DNAAF9: variants seen among roughly 807,000 people sequenced by gnomAD.
DNAAF9 encodes the protein dynein axonemal assembly factor 9.
In DNAAF9, 90 loss-of-function variants were observed where a neutral mutation model predicts 167.0. The ratio of observed to expected loss-of-function variants is 0.54; its 90% CI spans 0.45 to 0.64. The LOEUF (loss-of-function observed/expected upper bound fraction) is 0.64, where lower values mean the gene tolerates loss of function less well. Among genes scored for constraint, DNAAF9 ranks in the 30% least tolerant of loss-of-function variants. The pLI is 0.00. For synonymous variants in DNAAF9, 491 were observed against 508.8 expected, an observed-to-expected ratio of 0.96 and a Z score of 0.47; for missense variants, 1,315 against 1,442.2, an observed-to-expected ratio of 0.91 and a Z score of 1.43.
At chr20:3,372,923 TATTA>T (rs1248212941) in intron 6 of DNAAF9, among the ~76,000 whole-genome samples, 1 of 152,208 alleles carries the variant, frequency 6.6e-6, no homozygotes, top group Non-Finnish European at 1.5e-5. Context: ...ATATTACCAT[TATTA>T]ATTAATATTA....
chr20:3,296,098 AT>A, intron 23 of DNAAF9: 4 of 694,396 alleles, frequency 5.8e-6, no homozygotes, highest in Non-Finnish European at 1.1e-5. Flanking sequence ...GCTTGTTTGG[AT>A]CAGGAAAATG....
intron 7 of DNAAF9, among the ~76,000 whole-genome samples, chr20:3,352,155 T>C (rs866526426): frequency 5.9e-5 from 9 of 152,334 alleles, no homozygotes; most frequent in Middle Eastern, 3.4e-3. Context: ...TGTAAACACT[T>C]TGGGAAATGT....
intron 6 of DNAAF9, among the ~76,000 whole-genome samples, chr20:3,361,459 G>A (rs1052178692): frequency 6.6e-6 from 1 of 152,160 alleles, no homozygotes; most frequent in Non-Finnish European, 1.5e-5. Context: ...AGCCCCCCAG[G>A]CTAGACGGCT....
At chr20:3,319,617 A>G (rs1413324494) in intron 16 of DNAAF9, among the ~76,000 whole-genome samples, 1 of 152,034 alleles carries the variant, frequency 6.6e-6, no homozygotes, top group Non-Finnish European at 1.5e-5. Flanking sequence ...CCACTTTCAC[A>G]TATTGTCGTC....
intron 6 of DNAAF9, among the ~76,000 whole-genome samples, chr20:3,360,985 T>A (rs999592354): frequency 3.9e-5 from 6 of 152,134 alleles, no homozygotes; most frequent in African/African-American, 1.4e-4. Context: ...CATCAGCCAA[T>A]GACAGCAGAG....
chr20:3,384,999 C>G (rs191854544), intron 1 of DNAAF9, among the ~76,000 whole-genome samples: 1 of 151,796 alleles, frequency 6.6e-6, no homozygotes, highest in East Asian at 2.0e-4. Context: ...AAATGTGTGT[C>G]TCTATTATGC....
chr20:3,361,523 C>T lies in DNAAF9; in HGVS notation c.613-1930G>A, dbSNP rs140229839. Among the ~76,000 whole-genome samples, 386 of 152,244 alleles carry T rather than the reference C, an allele frequency of 2.5e-3. 1 individual carries two copies. Among genetic ancestry groups the T allele is most frequent in the Non-Finnish European group, 3.5e-3 (238 of 68,016 alleles). ...GGGTAAGGGGAGAAGGCAGAGACCC[C>T]AGGCCGTGTAATCAGCAGCAAAATG... is the stretch of plus-strand genomic sequence containing the variant. On this transcript the variant is annotated intron_variant, in intron 6 of 36. Transcript: ENST00000252032.
At chr20:3,352,638 A>G (rs1182278737) in intron 7 of DNAAF9, among the ~76,000 whole-genome samples, 7 of 152,134 alleles carry the variant, frequency 4.6e-5, no homozygotes, top group African/African-American at 7.2e-5. Context: ...TGCCTTATAT[A>G]GCTGGGATGA....
chr20:3,264,946 A>T (rs573988355), intron 30 of DNAAF9, among the ~76,000 whole-genome samples: 26 of 152,236 alleles, frequency 1.7e-4, no homozygotes, highest in African/African-American at 5.1e-4. Flanking sequence ...TTTTTCTGCC[A>T]AACCAAATGA....
intron 1 of DNAAF9, among the ~76,000 whole-genome samples, chr20:3,387,172 A>G (rs1299988915): frequency 6.6e-6 from 1 of 152,248 alleles, no homozygotes; most frequent in African/African-American, 2.4e-5. Context: ...TCTAAAATTT[A>G]TATGGAATCT....
intron 35 of DNAAF9, among the ~76,000 whole-genome samples, chr20:3,254,531 A>G (rs961604139): frequency 1.3e-5 from 2 of 151,976 alleles, no homozygotes; most frequent in African/African-American, 4.8e-5. Flanking sequence ...TATAAGGACT[A>G]CCTTATGCCC....
chr20:3,259,618 C>G, intron 32 of DNAAF9, 64 bp from the exon 33 acceptor site: 9 of 1,161,310 alleles, frequency 7.7e-6, no homozygotes, highest in Non-Finnish European at 1.2e-5. Context: ...CAGGACAGCA[C>G]AGCTGGGAGT....
intron 29 of DNAAF9, among the ~76,000 whole-genome samples, chr20:3,271,505 C>A (rs916662496): frequency 6.6e-6 from 1 of 151,992 alleles, no homozygotes; most frequent in East Asian, 1.9e-4. Flanking sequence ...ACTTCACCAC[C>A]CCAAGATAAT....
intron 6 of DNAAF9, among the ~76,000 whole-genome samples, chr20:3,373,360 A>C (rs2083534688): frequency 6.6e-6 from 1 of 152,146 alleles, no homozygotes; most frequent in Non-Finnish European, 1.5e-5. Context: ...TTCAGTGGGG[A>C]TCCCATGGAG....
chr20:3,290,820 ACT>A (rs2068938079), intron 25 of DNAAF9, among the ~76,000 whole-genome samples: 1 of 135,380 alleles, frequency 7.4e-6, no homozygotes, highest in African/African-American at 2.8e-5. Flanking sequence ...ATGGAGTCTC[ACT>A]CTGTCGCCCA....
intron 10 of DNAAF9, among the ~76,000 whole-genome samples, chr20:3,335,102 AT>A (rs1379918698): frequency 6.6e-6 from 1 of 152,106 alleles, no homozygotes; most frequent in Non-Finnish European, 1.5e-5. Flanking sequence ...GTGGTTTTTT[AT>A]TTTTATTTTT....
In DNAAF9 at chr20:3,348,568, T is replaced by C; in HGVS notation, c.746A>G (p.Glu249Gly). 6.2e-7 allele frequency: 1 copy of C among 1,605,060 alleles called. No homozygotes were observed. The highest frequency in any genetic ancestry group is 8.5e-7 in the Non-Finnish European group (1 of 1,174,584). The change falls in exon 8 of 37, where the codon GAA (glutamate) becomes GGA (glycine). Residue 249 changes from glutamate to glycine, a missense_variant. Glu to Gly is a moderately conservative substitution (Grantham distance 98, BLOSUM62 -2). Transcript: ENST00000252032. ...TGAAAGTTCTAGCAGGAAAGGAATT[T>C]CTGTGTCAAAATTAGCGAAGAAGCT... ...WTSFFANFDT[E>G]IPFLLELSES...
chr20:3,253,055 G>A (rs778697239), intron 36 of DNAAF9, among the ~76,000 whole-genome samples: 6 of 152,226 alleles, frequency 3.9e-5, no homozygotes, highest in Non-Finnish European at 7.3e-5. Flanking sequence ...TGGGCGCAGT[G>A]GCTCATGCCT....
At chr20:3,260,227 T>C (rs2068358196) in intron 31 of DNAAF9, among the ~76,000 whole-genome samples, 199 bp from the exon 32 acceptor site, 1 of 151,560 alleles carries the variant, frequency 6.6e-6, no homozygotes, top group Non-Finnish European at 1.5e-5. Flanking sequence ...TAGTCCCAGC[T>C]ACTCGGGAGG....
Sources: gnomAD v4.1 joint callset for allele counts (sites outside exome capture counted in the v4.1 genomes callset) on GRCh38, gnomAD v4.1.1 for gene constraint, MANE v1.5 for transcripts, NCBI Gene and HGNC (gene_info 2026-07-23, HGNC 2026-07-21) for gene names.